Variants in PTPN2 observed in about 807,000 individuals in gnomAD.
The protein encoded by PTPN2 is tyrosine-protein phosphatase non-receptor type 2.
In PTPN2, 19 loss-of-function variants were observed where a neutral mutation model predicts 57.3. That is an observed-to-expected ratio of 0.33 (90% CI 0.23 to 0.49). PTPN2 has a LOEUF of 0.49. Among genes scored for constraint, PTPN2 ranks in the 20% least tolerant of loss-of-function variants. The probability of loss-of-function intolerance (pLI) is 0.99; values close to 1 mark genes in which losing one functional copy is unlikely to be tolerated. For synonymous variants in PTPN2, 153 were observed against 164.9 expected (o/e 0.93, Z 0.55); for missense variants, 358 against 501.1 (o/e 0.71, Z 2.73).
At chr18:12,868,709 G>A (rs936707681) in intron 1 of PTPN2, among the ~76,000 whole-genome samples, 5 of 150,044 alleles carry the variant, frequency 3.3e-5, no homozygotes, top group Admixed American at 1.3e-4. Context: ...TGAGGCGGGC[G>A]GATCACGAGT....
chr18:12,838,006 T>A (rs544898638), intron 2 of PTPN2, among the ~76,000 whole-genome samples: 12 of 152,104 alleles, frequency 7.9e-5, no homozygotes, highest in Non-Finnish European at 1.6e-4. Context: ...AAAATCACTT[T>A]TTTAAAAAAC....
chr18:12,817,877 A>C (rs997325761), intron 5 of PTPN2, among the ~76,000 whole-genome samples: 1 of 152,228 alleles, frequency 6.6e-6, no homozygotes, highest in Admixed American at 6.5e-5. Flanking sequence ...GCAATGGCTC[A>C]TGCCTGTAAT....
intron 1 of PTPN2, among the ~76,000 whole-genome samples, chr18:12,870,884 G>A (rs2044248945): frequency 1.3e-5 from 2 of 151,782 alleles, no homozygotes; most frequent in Non-Finnish European, 2.9e-5. Flanking sequence ...GGATTACATG[G>A]ACTTGGCAAA....
chr18:12,863,758 C>G (rs1456520258), intron 1 of PTPN2: 1 of 152,138 alleles, frequency 6.6e-6, no homozygotes, highest in East Asian at 1.9e-4. Context: ...CCACCGTTCT[C>G]ATTTAATACC....
intron 7 of PTPN2, among the ~76,000 whole-genome samples, chr18:12,807,566 T>TGG (rs1417091671): frequency 0.012 from 214 of 17,392 alleles, no homozygotes; most frequent in African/African-American, 0.028. Context: ...AAAGAAAATG[T>TGG]GGAAAAAAAA....
intron 1 of PTPN2, among the ~76,000 whole-genome samples, chr18:12,882,091 G>A (rs1028097548): frequency 6.6e-6 from 1 of 152,150 alleles, no homozygotes; most frequent in African/African-American, 2.4e-5. Flanking sequence ...CTGGGGGTCC[G>A]GGCATATTTG....
At chr18:12,833,925 TAGAG>T (rs751180582) in intron 3 of PTPN2, among the ~76,000 whole-genome samples, 18 of 152,074 alleles carry the variant, frequency 1.2e-4, no homozygotes, top group Non-Finnish European at 2.5e-4. Flanking sequence ...CTGAAAAACA[TAGAG>T]AGGAATTCAG....
At chr18:12,785,918 A>C (rs1426846908) in intron 9 of PTPN2, 1 of 1,274,580 alleles carries the variant, frequency 7.8e-7, no homozygotes, top group Non-Finnish European at 1.1e-6. Context: ...GATGCACACA[A>C]ACATAAAAGG....
rs574375935 is a variant in PTPN2 at position 12,882,873 on chromosome 18, G to A, written c.69+1200C>T. The stretch of plus-strand genomic sequence containing the variant: ...AAGCCCGTCTTTTACTTTACACAGA[G>A]AGAACCAAACATCAGAAGCAGCATT... On this transcript the variant is annotated intron_variant, in intron 1 of 8. Coordinates refer to ENST00000309660, the MANE Select transcript of PTPN2 (RefSeq NM_002828.4). 5.9e-5 allele frequency among the ~76,000 whole-genome samples: 9 copies of A among 152,286 alleles called. No homozygotes were observed. In the South Asian group the frequency reaches 1.0e-3, roughly 18 times the overall value.
chr18:12,801,946 A>G (rs1346420040), intron 8 of PTPN2, 24 bp downstream of exon 8: 1 of 1,546,076 alleles, frequency 6.5e-7, no homozygotes, highest in East Asian at 2.3e-5. Flanking sequence ...CTCATCTTTC[A>G]GCCTGTAGTT....
At chr18:12,856,960 T>C (rs911190110) in intron 2 of PTPN2, among the ~76,000 whole-genome samples, 1 of 147,478 alleles carries the variant, frequency 6.8e-6, no homozygotes, top group Non-Finnish European at 1.5e-5. Flanking sequence ...CTTGGGAGGC[T>C]GAGGCAGGAG....
chr18:12,864,696 C>G (rs1198824297), intron 1 of PTPN2, among the ~76,000 whole-genome samples: 1 of 152,144 alleles, frequency 6.6e-6, no homozygotes, highest in Non-Finnish European at 1.5e-5. Flanking sequence ...CCGCGCCTGG[C>G]CTGAACATAC....
Position 12,817,992 on chromosome 18 carries a change from A to T in PTPN2, c.496-627T>A, listed in dbSNP as rs989608869. ...CCCGTTTCTACTAAAAATACAAAAAATTAGCCAGGCGTGGTGGCGCGTGCC... is the reference window on the plus strand; with the variant it reads ...CCCGTTTCTACTAAAAATACAAAAATTTAGCCAGGCGTGGTGGCGCGTGCC... On this transcript the variant is annotated intron_variant, in intron 5 of 8. Coordinates refer to ENST00000309660, the MANE Select transcript of PTPN2 (RefSeq NM_002828.4). Among the ~76,000 whole-genome samples, 309 of 152,148 alleles carry T rather than the reference A, an allele frequency of 2.0e-3. 5 individuals are homozygous for T. Among genetic ancestry groups the T allele is most frequent in the Non-Finnish European group, 2.8e-4 (19 of 68,022 alleles).
At chr18:12,790,773 G>A (rs997532159), downstream of PTPN2, among the ~76,000 whole-genome samples, 1 of 152,160 alleles carries the variant, frequency 6.6e-6, no homozygotes, top group Non-Finnish European at 1.5e-5. Context: ...AGACAAAGAG[G>A]ACAGGCACAA....
chr18:12,830,206 G>C (rs2042622064), intron 4 of PTPN2, among the ~76,000 whole-genome samples: 1 of 151,948 alleles, frequency 6.6e-6, no homozygotes, highest in Non-Finnish European at 1.5e-5. Context: ...TTGAGGTGCA[G>C]TGGCACAATC....
At chr18:12,809,573 A>G (rs1184579033) in intron 7 of PTPN2, among the ~76,000 whole-genome samples, 1 of 152,192 alleles carries the variant, frequency 6.6e-6, no homozygotes, top group Non-Finnish European at 1.5e-5. Flanking sequence ...GGCCCAAATG[A>G]CTTGGTATGG....
At chr18:12,856,915 C>A (rs913477457) in intron 2 of PTPN2, among the ~76,000 whole-genome samples, 2 of 151,648 alleles carry the variant, frequency 1.3e-5, no homozygotes, top group South Asian at 2.1e-4. Context: ...CAAAAATAAG[C>A]CGGGCATGGT....
rs114317967 is a variant in PTPN2, at chr18:12,807,312, A to C, written c.859-5161T>G. 4.0e-3 allele frequency among the ~76,000 whole-genome samples: 609 copies of C among 152,006 alleles called. 3 individuals carry two copies. Among genetic ancestry groups the C allele is most frequent in the African/African-American group, 0.014 (595 of 41,498 alleles). ...CTGGCATGAATGTGGAGAAAGGGGA[A>C]CTCTTGTACACGGCTGGTGGAATGT... On this transcript the variant is annotated intron_variant, in intron 7 of 8. Transcript: ENST00000309660.
At chr18:12,878,768 G>C (rs948471308) in intron 1 of PTPN2, among the ~76,000 whole-genome samples, 1 of 152,160 alleles carries the variant, frequency 6.6e-6, no homozygotes, top group Non-Finnish European at 1.5e-5. Flanking sequence ...GCTCACCTGA[G>C]CCCAGGAGTT....
Sources: gnomAD v4.1 joint callset for allele counts (sites outside exome capture counted in the v4.1 genomes callset) on GRCh38, gnomAD v4.1.1 for gene constraint, MANE v1.5 for transcripts, NCBI Gene and HGNC (gene_info 2026-07-23, HGNC 2026-07-21) for gene names.